RPL37: variants seen among roughly 807,000 people sequenced by gnomAD.
RPL37 encodes ribosomal protein L37.
RPL37 carries 1 observed loss-of-function variant against 14.8 expected under a neutral mutation model. The observed-to-expected ratio is 0.07, with a 90% confidence interval of 0.02 to 0.32. RPL37 has a LOEUF of 0.32. RPL37 is among the 10% of genes least tolerant of loss of function. The pLI is 1.00. For missense variants in RPL37, 100 were observed against 128.3 expected, an observed-to-expected ratio of 0.78 and a Z score of 1.06; for synonymous variants, 53 against 45.8, an observed-to-expected ratio of 1.16 and a Z score of -0.63.
Position 40,829,679 on chromosome 5 carries a change from A to ATG in RPL37, c.*2824_*2825insCA, listed in dbSNP as rs58016607. 9.2e-5 allele frequency: 2 copies of ATG among 21,670 alleles called. No individual in the cohort carries two copies. Among genetic ancestry groups the ATG allele is most frequent in the African/African-American group, 3.7e-4 (2 of 5,388 alleles). The allele number at this position is 21,670 out of a possible 1,614,324, so 1.3% of individuals were successfully genotyped here. The stretch of plus-strand genomic sequence containing the variant: ...CATCATAGTGTGTGTGTGTGTGTGT[A>ATG]TATATATATATATATATATCAACAA... On this transcript the variant is annotated 3_prime_UTR_variant, in exon 4 of 4. Coordinates refer to ENST00000274242, the MANE Select transcript of RPL37 (RefSeq NM_000997.5).
At chr5:40,835,091 C>G in intron 1 of RPL37, 92 bp downstream of exon 1, 2 of 1,572,666 alleles carry the variant, frequency 1.3e-6, no homozygotes, top group Non-Finnish European at 8.7e-7. Flanking sequence ...TCCCCTTATC[C>G]GGAATCTTGC....
In RPL37 at chr5:40,829,263, T is replaced by A. The variant is rs1363401475; in HGVS notation, c.*3241A>T. On this transcript the variant is annotated 3_prime_UTR_variant, in exon 4 of 4. Coordinates refer to ENST00000274242, the MANE Select transcript of RPL37 (RefSeq NM_000997.5). The stretch of plus-strand genomic sequence containing the variant: ...AACTATTTAAGAACCTGTTACCTAG[T>A]TTCCAGCTTCAAGACTCATCACATG... 6.6e-6 allele frequency: 1 copy of A among 152,234 alleles called. No homozygotes were observed. The highest frequency in any genetic ancestry group is 1.5e-5 in the Non-Finnish European group (1 of 68,050). 9.4% of individuals were successfully genotyped at this position (152,234 alleles called of 1,614,324 possible).
At chr5:40,832,638 G>C (rs570163616) in intron 3 of RPL37, 65 bp from the exon 4 acceptor site, 3 of 1,231,052 alleles carry the variant, frequency 2.4e-6, no homozygotes, top group Non-Finnish European at 2.4e-6. Flanking sequence ...TTTAATTTTT[G>C]TTAAACAGAT....
rs187028678 is a variant in RPL37, at chr5:40,828,016, C to G, written c.*4488G>C. 2 of 152,278 alleles carry G rather than the reference C, an allele frequency of 1.3e-5. No homozygotes were observed. Among genetic ancestry groups the G allele is most frequent in the East Asian group, 3.9e-4 (2 of 5,188 alleles). The allele number at this position is 152,278 out of a possible 1,614,324, so 9.4% of individuals were successfully genotyped here. On this transcript the variant is annotated 3_prime_UTR_variant, in exon 4 of 4. Transcript: ENST00000274242. The stretch of plus-strand genomic sequence containing the variant: ...AATGTGCTAATAAATGTGAAACAGC[C>G]TCTTTCTCTGAAACAAGTTCTTCAG...
intron 3 of RPL37, 101 bp from the exon 4 acceptor site, chr5:40,832,674 G>A (rs1179797297): frequency 3.4e-6 from 3 of 875,770 alleles, no homozygotes; most frequent in Non-Finnish European, 5.9e-6. Context: ...TCAGTTAAAT[G>A]CTGAAATCAA....
At position 40,831,779 on chromosome 5, in the gene RPL37, A is replaced by C. The variant is rs533898908; in HGVS notation, c.*725T>G. The C allele has an allele frequency of 6.2e-4, 94 of 152,450 alleles. No homozygotes were observed. The highest frequency in any genetic ancestry group is 2.1e-3 in the African/African-American group (88 of 41,566). The allele number at this position is 152,450 out of a possible 1,614,324, so 9.4% of individuals were successfully genotyped here. A position where few individuals can be genotyped will look rare whatever the true frequency, so the allele number is the denominator to read the frequency against. On this transcript the variant is annotated 3_prime_UTR_variant, in exon 4 of 4. Coordinates refer to ENST00000274242, the MANE Select transcript of RPL37 (RefSeq NM_000997.5). ...CACCCAATTACCAAGTTGAGGGCTA[A>C]AAAAATTCGACCAAGTAGTCCCACA...
rs895904026 is a variant in RPL37 at position 40,831,714 on chromosome 5, G to A, written c.*790C>T. ...CCCTGTCAATAAACCACGAAAACTAGGAAGGCACGACAGCAAGTTTCAGTG... is the reference window on the plus strand; with the variant it reads ...CCCTGTCAATAAACCACGAAAACTAAGAAGGCACGACAGCAAGTTTCAGTG... On this transcript the variant is annotated 3_prime_UTR_variant, in exon 4 of 4. Coordinates refer to ENST00000274242, the MANE Select transcript of RPL37 (RefSeq NM_000997.5). The A allele has an allele frequency of 6.6e-6, 1 of 152,124 alleles. No individual in the cohort carries two copies. Among genetic ancestry groups the A allele is most frequent in the African/African-American group, 2.4e-5 (1 of 41,344 alleles). 9.4% of individuals were successfully genotyped at this position (152,124 alleles called of 1,614,324 possible).
rs1182155633 is a variant in RPL37 at position 40,835,192 on chromosome 5, T to G, written c.-7A>C. On this transcript the variant is annotated 5_prime_UTR_variant, in exon 1 of 4. Coordinates refer to ENST00000274242, the MANE Select transcript of RPL37 (RefSeq NM_000997.5). ...CACAGTCACAACTCACCATCTCGCT[T>G]CTGCGGCCGAGACCAGAAAGACCGG... is the stretch of plus-strand genomic sequence containing the variant. 6.2e-7 allele frequency: 1 copy of G among 1,614,010 alleles called. No individual in the cohort carries two copies. The highest frequency in any genetic ancestry group is 8.5e-7 in the Non-Finnish European group (1 of 1,180,048).
At chr5:40,833,529 G>C (rs547330911) in intron 3 of RPL37, among the ~76,000 whole-genome samples, 18 of 152,260 alleles carry the variant, frequency 1.2e-4, no homozygotes, top group Non-Finnish European at 2.4e-4. Flanking sequence ...GCCAAGACTT[G>C]AGTAACAAGA....
In RPL37 at chr5:40,827,004, C is replaced by G; in HGVS notation, c.*5500G>C. 1 of 152,222 alleles carries G rather than the reference C, an allele frequency of 6.6e-6. No individual in the cohort carries two copies. Among genetic ancestry groups the G allele is most frequent in the East Asian group, 1.9e-4 (1 of 5,204 alleles). 9.4% of individuals were successfully genotyped at this position (152,222 alleles called of 1,614,324 possible). A position where few individuals can be genotyped will look rare whatever the true frequency, so the allele number is the denominator to read the frequency against. On this transcript the variant is annotated 3_prime_UTR_variant, in exon 4 of 4. Transcript: ENST00000274242. ...AGGTTGCCCAGGCTGGTCTCAAACT[C>G]TTGGGCTCAAGCCAATGGCACCTCT...
In RPL37 at chr5:40,830,044, G is replaced by C. The variant is rs1233943832; in HGVS notation, c.*2460C>G. ...AACCAGTTACATGTGGAAACAGGTAGTCTGCTTTGACAGCTGGGGGCAAAT... is the reference window on the plus strand; with the variant it reads ...AACCAGTTACATGTGGAAACAGGTACTCTGCTTTGACAGCTGGGGGCAAAT... On this transcript the variant is annotated 3_prime_UTR_variant, in exon 4 of 4. Coordinates refer to ENST00000274242, the MANE Select transcript of RPL37 (RefSeq NM_000997.5). 6.6e-6 allele frequency: 1 copy of C among 152,158 alleles called. No homozygotes were observed. The highest frequency in any genetic ancestry group is 1.5e-5 in the Non-Finnish European group (1 of 68,030). 9.4% of individuals were successfully genotyped at this position (152,158 alleles called of 1,614,324 possible).
chr5:40,834,547 G>C lies in RPL37; in HGVS notation c.63C>G (p.Arg21=). Residue 21 remains arginine, a synonymous_variant, in exon 2 of 4, where the codon CGC becomes CGG. Transcript: ENST00000274242. ...RRNKTHTLCR[R]CGSKAYHLQK... ...GAAGGTGGTAGGCCTTAGAGCCACA[G>C]CGGCGGCACAACGTGTGCGTCTTAT... is the stretch of plus-strand genomic sequence containing the variant. 6.2e-7 allele frequency: 1 copy of C among 1,614,186 alleles called. No individual in the cohort carries two copies. Among genetic ancestry groups the C allele is most frequent in the South Asian group, 1.1e-5 (1 of 91,068 alleles).
chr5:40,833,038 A>T (rs1254163802), intron 3 of RPL37, among the ~76,000 whole-genome samples: 2 of 152,252 alleles, frequency 1.3e-5, no homozygotes, highest in Non-Finnish European at 2.9e-5. Context: ...TACTCTAAGA[A>T]AGGTCAACTA....
rs369013957 is a variant in RPL37 at position 40,830,954 on chromosome 5, T to G, written c.*1550A>C. 6.6e-6 allele frequency: 1 copy of G among 151,862 alleles called. No homozygotes were observed. The highest frequency in any genetic ancestry group is 1.5e-5 in the Non-Finnish European group (1 of 67,970). The allele number at this position is 151,862 out of a possible 1,614,324, so 9.4% of individuals were successfully genotyped here. A position where few individuals can be genotyped will look rare whatever the true frequency, so the allele number is the denominator to read the frequency against. ...CAACAGACTATCTTCACTTGAAAAT[T>G]TGATGATGACAGCCGGGAGTGGTGG... On this transcript the variant is annotated 3_prime_UTR_variant, in exon 4 of 4. Coordinates refer to ENST00000274242, the MANE Select transcript of RPL37 (RefSeq NM_000997.5).
chr5:40,829,116 T>C lies in RPL37; in HGVS notation c.*3388A>G, dbSNP rs1160374524. 2 of 152,198 alleles carry C rather than the reference T, an allele frequency of 1.3e-5. No homozygotes were observed. The highest frequency in any genetic ancestry group is 6.6e-5 in the Admixed American group (1 of 15,266). The allele number at this position is 152,198 out of a possible 1,614,324, so 9.4% of individuals were successfully genotyped here. A position where few individuals can be genotyped will look rare whatever the true frequency, so the allele number is the denominator to read the frequency against. On this transcript the variant is annotated 3_prime_UTR_variant, in exon 4 of 4. Transcript: ENST00000274242. ...TGTTCTCATTTTCATGCTTAAATTATACAGAAATGGGAAGCTTGGAAGTTA... is the reference window on the plus strand; with the variant it reads ...TGTTCTCATTTTCATGCTTAAATTACACAGAAATGGGAAGCTTGGAAGTTA...
Position 40,835,201 on chromosome 5 carries a change from G to A in RPL37, c.-16C>T. 2.5e-6 allele frequency: 4 copies of A among 1,614,094 alleles called. No homozygotes were observed. The highest frequency in any genetic ancestry group is 2.5e-6 in the Non-Finnish European group (3 of 1,180,018). On this transcript the variant is annotated 5_prime_UTR_variant, in exon 1 of 4. Transcript: ENST00000274242. ...AACTCACCATCTCGCTTCTGCGGCC[G>A]AGACCAGAAAGACCGGAAGAGAAGG...
intron 3 of RPL37, 22 bp downstream of exon 3, chr5:40,834,159 T>G: frequency 6.4e-7 from 1 of 1,563,526 alleles, no homozygotes; most frequent in East Asian, 2.2e-5. Flanking sequence ...GGACCAATTA[T>G]GATCGAACAT....
chr5:40,833,605 AAG>A (rs1397650127), intron 3 of RPL37, among the ~76,000 whole-genome samples: 3 of 152,168 alleles, frequency 2.0e-5, no homozygotes, highest in Non-Finnish European at 4.4e-5. Flanking sequence ...CACTATACTA[AAG>A]GTTGAACCAA....
rs1298479722 is a variant in RPL37 at position 40,826,026 on chromosome 5, A to C, written c.*6478T>G. ...ACCCGGCCGCTCCTCAGTCAATTCT[A>C]AACAACTGTCCTCACTTGAGGAAGC... On this transcript the variant is annotated 3_prime_UTR_variant, in exon 4 of 4. Coordinates refer to ENST00000274242, the MANE Select transcript of RPL37 (RefSeq NM_000997.5). 1 of 152,152 alleles carries C rather than the reference A, an allele frequency of 6.6e-6. No individual in the cohort carries two copies. The highest frequency in any genetic ancestry group is 1.5e-5 in the Non-Finnish European group (1 of 68,030). The allele number at this position is 152,152 out of a possible 1,614,324, so 9.4% of individuals were successfully genotyped here. A position where few individuals can be genotyped will look rare whatever the true frequency, so the allele number is the denominator to read the frequency against.
Sources: allele counts gnomAD v4.1 joint callset (sites outside exome capture counted in the v4.1 genomes callset), GRCh38; gene constraint gnomAD v4.1.1; transcripts MANE v1.5; gene names NCBI Gene and HGNC (gene_info 2026-07-23, HGNC 2026-07-21).